ARHGEF2: variants seen among roughly 807,000 people sequenced by gnomAD.
ARHGEF2 encodes the protein rho guanine nucleotide exchange factor 2.
In ARHGEF2, 22 loss-of-function variants were observed where a neutral mutation model predicts 121.0. The ratio of observed to expected loss-of-function variants is 0.18; its 90% confidence interval spans 0.13 to 0.26. ARHGEF2 has a LOEUF of 0.26. Ranked by LOEUF, ARHGEF2 falls within the 10% of genes least tolerant of loss-of-function variation. ARHGEF2 has a pLI of 1.00. For synonymous variants in ARHGEF2, 487 were observed against 530.0 expected, an observed-to-expected ratio of 0.92 and a Z score of 1.11; for missense variants, 907 against 1,336.0, an observed-to-expected ratio of 0.68 and a Z score of 5.01.
At position 155,951,796 on chromosome 1, in the gene ARHGEF2, T is replaced by C; in HGVS notation, c.2173-20A>G. 2 of 1,613,786 alleles carry C rather than the reference T, an allele frequency of 1.2e-6. No homozygotes were observed. The highest frequency in any genetic ancestry group is 1.3e-5 in the African/African-American group (1 of 74,976). On this transcript the variant is annotated intron_variant, in intron 17 of 21. Transcript: ENST00000361247. This position sits in a 1 kb window ranked among gnomAD's most constrained non-coding sequence, Gnocchi z 5.1. Reference sequence around the variant, plus strand: ...TCGATCCTGCAGAAATGGGCAAGAATGGGGAGTCAGCAGGCACACAAATCC... The same window carrying C: ...TCGATCCTGCAGAAATGGGCAAGAACGGGGAGTCAGCAGGCACACAAATCC...
At chr1:155,971,916 C>T (rs1012204976) in intron 1 of ARHGEF2, among the ~76,000 whole-genome samples, 25 of 151,322 alleles carry the variant, frequency 1.7e-4, no homozygotes, top group African/African-American at 5.8e-4. Context: ...TATATATATA[C>T]ACACATAAGT....
chr1:155,964,171 TATATATATATATATATATATATATATAC>T (rs1678743810), intron 7 of ARHGEF2, among the ~76,000 whole-genome samples: 2 of 63,552 alleles, frequency 3.1e-5, no homozygotes, highest in African/African-American at 1.0e-4. Flanking sequence ...AAAAAAAATA[TATATATATATATATATATATATATATAC>T]ATATATATAT....
chr1:155,965,428 G>C lies in ARHGEF2; in HGVS notation c.471-16C>G, dbSNP rs1197103213. 1 of 1,611,558 alleles carries C rather than the reference G, an allele frequency of 6.2e-7. No individual in the cohort carries two copies. The highest frequency in any genetic ancestry group is 1.3e-5 in the African/African-American group (1 of 74,994). On this transcript the variant is annotated splice_polypyrimidine_tract_variant and intron_variant, in intron 5 of 21. Transcript: ENST00000361247. This position sits in a 1 kb window ranked among gnomAD's most constrained non-coding sequence, Gnocchi z 6.0. ...ATTGAAATGTCTGAAGAAAGTGGAG[G>C]CTGTCTGCATCACCCCCAGTCGGGC...
intron 21 of ARHGEF2, 99 bp from the exon 22 acceptor site, chr1:155,948,114 C>A (rs1674688736): frequency 4.2e-6 from 4 of 947,536 alleles, no homozygotes; most frequent in Admixed American, 2.7e-5. Context: ...TCAGGGGGCT[C>A]TGGGGCTGTG....
intron 1 of ARHGEF2, among the ~76,000 whole-genome samples, chr1:155,975,766 C>T (rs1173609192): frequency 6.6e-6 from 1 of 152,182 alleles, no homozygotes; most frequent in Non-Finnish European, 1.5e-5. Flanking sequence ...CCAGCCTCCA[C>T]AGCCATCCCT....
At chr1:155,960,683 G>A (rs1195408819) in intron 11 of ARHGEF2, among the ~76,000 whole-genome samples, 1 of 152,214 alleles carries the variant, frequency 6.6e-6, no homozygotes, top group Non-Finnish European at 1.5e-5. Flanking sequence ...AGAGGCTGGT[G>A]AAGACTGACA....
upstream of ARHGEF2, chr1:155,978,887 C>T: frequency 7.1e-6 from 7 of 987,666 alleles, no homozygotes; most frequent in Non-Finnish European, 8.4e-6. This position sits in a 1 kb window ranked among gnomAD's most constrained non-coding sequence, Gnocchi z 4.1. Flanking sequence ...CCTCGCCCTC[C>T]CTTTTTCCCT....
At chr1:155,959,232 T>C (rs1006393934) in intron 11 of ARHGEF2, among the ~76,000 whole-genome samples, 1 of 152,176 alleles carries the variant, frequency 6.6e-6, no homozygotes, top group African/African-American at 2.4e-5. Flanking sequence ...TTTTTATTTA[T>C]TTTTAATTTA....
At chr1:155,975,227 G>GGGCA (rs899364416) in intron 1 of ARHGEF2, among the ~76,000 whole-genome samples, 6 of 152,118 alleles carry the variant, frequency 3.9e-5, no homozygotes, top group African/African-American at 1.4e-4. Context: ...CAGAATAGGA[G>GGGCA]GGCAGGCAGG....
At chr1:155,975,249 A>G (rs1681114684) in intron 1 of ARHGEF2, among the ~76,000 whole-genome samples, 1 of 152,132 alleles carries the variant, frequency 6.6e-6, no homozygotes, top group Admixed American at 6.5e-5. Flanking sequence ...AGACAGACAC[A>G]CTGACACACC....
intron 21 of ARHGEF2, 79 bp from the exon 22 acceptor site, chr1:155,948,094 A>C: frequency 8.9e-7 from 1 of 1,125,578 alleles, no homozygotes; most frequent in South Asian, 1.5e-5. Context: ...ATGCCTCCCC[A>C]TCTGCAGGCT....
rs752428008 is a variant in ARHGEF2 at position 155,952,163 on chromosome 1, G to A, written c.2057C>T (p.Pro686Leu). The stretch of plus-strand genomic sequence containing the variant: ...GTTACCACCGCTGTCTGGTTCCAAG[G>A]GCAGGGCTGGCTCTCGGGGTGTCAA... ...LLLTPREPAL[P>L]LEPDSGGNTS... The change falls in exon 16 of 22, where the codon CCC becomes CTC. Residue 686 changes from proline (P) to leucine (L), a missense_variant. Pro to Leu is a moderately conservative substitution (Grantham distance 98). This residue lies in a region of ARHGEF2 where 432 missense variants were observed against 559.5 expected (regional missense o/e 0.77). Coordinates refer to ENST00000361247, the MANE Select transcript of ARHGEF2 (RefSeq NM_001162383.2). 1.1e-5 allele frequency: 18 copies of A among 1,614,090 alleles called. No individual in the cohort carries two copies. The highest frequency in any genetic ancestry group is 1.4e-5 in the Non-Finnish European group (17 of 1,180,000).
chr1:155,970,955 T>C (rs1680341677), intron 1 of ARHGEF2: 2 of 986,510 alleles, frequency 2.0e-6, no homozygotes, highest in African/African-American at 3.5e-5. Flanking sequence ...ATCCTCCTCC[T>C]GTCTCCTGCT....
At chr1:155,952,480 G>T in intron 15 of ARHGEF2, 148 bp downstream of exon 15, 1 of 1,033,568 alleles carries the variant, frequency 9.7e-7, no homozygotes, top group Non-Finnish European at 1.4e-6. Flanking sequence ...GCCTTTCCCA[G>T]GAACTGGCCC....
chr1:155,978,236 G>T lies in ARHGEF2; in HGVS notation c.63+129C>A. Reference sequence around the variant, plus strand: ...CCCCACCCACCCCGTCCCGCCGCTCGCCGATCCACCGCTCCGCCCGATTTT... The same window carrying T: ...CCCCACCCACCCCGTCCCGCCGCTCTCCGATCCACCGCTCCGCCCGATTTT... On this transcript the variant is annotated intron_variant, in intron 1 of 21. Coordinates refer to ENST00000361247, the MANE Select transcript of ARHGEF2 (RefSeq NM_001162383.2). The surrounding 1 kb of genome is among the most constrained non-coding windows in gnomAD (Gnocchi z 4.1). 2.7e-6 allele frequency: 3 copies of T among 1,127,772 alleles called. No individual in the cohort carries two copies. The highest frequency in any genetic ancestry group is 1.9e-5 in the South Asian group (1 of 52,816). The allele number at this position is 1,127,772 out of a possible 1,614,324, so 69.9% of individuals were successfully genotyped here.
Position 155,965,203 on chromosome 1 carries a change from T to C in ARHGEF2, c.581-72A>G. On this transcript the variant is annotated intron_variant, in intron 6 of 21. Transcript: ENST00000361247. This position sits in a 1 kb window ranked among gnomAD's most constrained non-coding sequence, Gnocchi z 6.0. The stretch of plus-strand genomic sequence containing the variant: ...CCTGGGTCCCTGGCCCTTCTCTAGA[T>C]CCCTTCCCTCCTTGTCCTTCCAGGC... 6.2e-7 allele frequency: 1 copy of C among 1,608,344 alleles called. No homozygotes were observed. The highest frequency in any genetic ancestry group is 1.3e-5 in the African/African-American group (1 of 74,854).
rs746140020 is a variant in ARHGEF2 at position 155,951,948 on chromosome 1, A to T, written c.2143T>A (p.Cys715Ser). The change falls in exon 17 of 22, where the codon TGC becomes AGC. Residue 715 changes from cysteine (C) to serine (S), a missense_variant. By Grantham distance (112) the Cys-to-Ser change is moderately radical. Transcript: ENST00000361247. This position sits in a 1 kb window ranked among gnomAD's most constrained non-coding sequence, Gnocchi z 5.1. Reference sequence around the variant, plus strand: ...TGGCTAGAGTCTGAGTCAGCTCTGCAGAGTTCAATGGAGCCATTGAAGGTT... The same window carrying T: ...TGGCTAGAGTCTGAGTCAGCTCTGCTGAGTTCAATGGAGCCATTGAAGGTT... The part of the protein sequence containing the change: ...ARTFNGSIEL[C>S]RADSDSSQRD... The T allele has an allele frequency of 3.1e-6, 5 of 1,614,100 alleles. No individual in the cohort carries two copies. In the Admixed American group the frequency reaches 5.0e-5, roughly 16 times the overall value.
intron 1 of ARHGEF2, chr1:155,972,129 A>AG: frequency 2.6e-6 from 1 of 378,122 alleles, no homozygotes; most frequent in Admixed American, 2.9e-5. Context: ...GGAGTGGCAA[A>AG]GGGAGGGAGA....
At chr1:155,960,228 G>T (rs1230735458) in intron 11 of ARHGEF2, among the ~76,000 whole-genome samples, 1 of 152,154 alleles carries the variant, frequency 6.6e-6, no homozygotes, top group Non-Finnish European at 1.5e-5. Flanking sequence ...ACTTTGGGAG[G>T]CTGAGGCAGG....
Sources: allele counts gnomAD v4.1 joint callset (sites outside exome capture counted in the v4.1 genomes callset), GRCh38; gene constraint gnomAD v4.1.1; regional missense constraint gnomAD v4.1.1; non-coding constraint Gnocchi (gnomAD v3.1); transcripts MANE v1.5; gene names NCBI Gene and HGNC (gene_info 2026-07-23, HGNC 2026-07-21).